Variants in POLD1 observed in about 807,000 individuals in gnomAD.
POLD1 encodes the protein DNA polymerase delta catalytic subunit.
In POLD1, 79 loss-of-function variants were observed where a neutral mutation model predicts 129.7. The ratio of observed to expected loss-of-function variants is 0.61; its 90% CI spans 0.51 to 0.73. The LOEUF (loss-of-function observed/expected upper bound fraction) is 0.73. POLD1 is among the 30% of genes least tolerant of loss of function. POLD1 has a pLI of 0.00. For missense variants in POLD1, 1,338 were observed against 1,595.8 expected (o/e 0.84, Z 2.75); for synonymous variants, 714 against 683.3 (o/e 1.04, Z -0.70).
chr19:50,403,259 C>T (rs564417410), intron 9 of POLD1, 40 bp downstream of exon 9: 4 of 1,507,636 alleles, frequency 2.7e-6, no homozygotes, highest in African/African-American at 2.8e-5. Flanking sequence ...TCCCGGGGTC[C>T]CCGCCAGCCT....
rs947583054 is a variant in POLD1 at position 50,403,173 on chromosome 19, T to G, written c.1091T>G (p.Leu364Arg). The G allele has an allele frequency of 6.4e-7, 1 of 1,562,584 alleles. No homozygotes were observed. The highest frequency in any genetic ancestry group is 8.7e-7 in the Non-Finnish European group (1 of 1,153,100). ...ALTLRPCAPI[L>R]GAKVQSYEKE... ...ACCCTGCGGCCCTGTGCCCCCATCC[T>G]GGGTGCCAAGGTGCAGAGCTACGAG... Residue 364 changes from leucine to arginine, a missense_variant, in exon 9 of 27, where the codon CTG becomes CGG. This residue lies in a region of POLD1 where 720 missense variants were observed against 1,002.6 expected (regional missense o/e 0.72). Transcript: ENST00000440232.
At chr19:50,416,748 C>G (rs1010620898) in intron 24 of POLD1, 25 bp downstream of exon 24, 6 of 1,465,700 alleles carry the variant, frequency 4.1e-6, no homozygotes, top group Admixed American at 2.0e-5. Context: ...CCACTGGGCC[C>G]CCACTGGCCC....
chr19:50,401,392 T>TATATATATATA (rs1491527037), intron 3 of POLD1, among the ~76,000 whole-genome samples: 16 of 47,158 alleles, frequency 3.4e-4, no homozygotes, highest in African/African-American at 5.6e-4. Flanking sequence ...TATATATATA[T>TATATATATATA]TTTTTTTTTT....
chr19:50,415,667 G>GCCCCC, intron 21 of POLD1, 57 bp from the exon 22 acceptor site: 3 of 1,462,196 alleles, frequency 2.1e-6, no homozygotes, highest in East Asian at 2.5e-5. Flanking sequence ...CTACACCCTC[G>GCCCCC]CCCCCACCCC....
intron 20 of POLD1, among the ~76,000 whole-genome samples, chr19:50,415,198 G>A (rs1024465671): frequency 8.5e-5 from 13 of 152,106 alleles, no homozygotes; most frequent in Non-Finnish European, 1.8e-4. Context: ...TCCTCCTCTG[G>A]GAACACAGGT....
rs2122312655 is a variant in POLD1, at chr19:50,406,095, G to A, written c.1243-87G>A. On this transcript the variant is annotated intron_variant, in intron 10 of 26. Transcript: ENST00000440232. This position sits in a 1 kb window ranked among gnomAD's most constrained non-coding sequence, Gnocchi z 5.5. ...CTCGACCCCCTAGGGTTGTTATAAG[G>A]ATGTTGTGGTTGGTCTCAATCTCCG... 6.7e-7 allele frequency: 1 copy of A among 1,502,870 alleles called. No individual in the cohort carries two copies. Among genetic ancestry groups the A allele is most frequent in the Non-Finnish European group, 9.1e-7 (1 of 1,099,818 alleles). The allele number at this position is 1,502,870 out of a possible 1,614,324, so 93.1% of individuals were successfully genotyped here.
chr19:50,405,808 T>C (rs931879716), intron 10 of POLD1, among the ~76,000 whole-genome samples: 2 of 152,094 alleles, frequency 1.3e-5, no homozygotes, highest in Admixed American at 6.5e-5. Context: ...GCCCTCAGCA[T>C]CCATCTCAGC....
chr19:50,392,732 C>T (rs1475370134), intron 1 of POLD1, among the ~76,000 whole-genome samples: 2 of 152,142 alleles, frequency 1.3e-5, no homozygotes, highest in African/African-American at 4.8e-5. Context: ...CCTCCTTGGC[C>T]TCCCAAAATG....
chr19:50,397,808 C>T (rs373626214), intron 1 of POLD1, among the ~76,000 whole-genome samples: 4 of 152,190 alleles, frequency 2.6e-5, no homozygotes, highest in South Asian at 4.2e-4. Context: ...GTCCTGGACT[C>T]GGGGAGAAAG....
rs953314839 is a variant in POLD1, at chr19:50,406,127, A to G, written c.1243-55A>G. ...TGGTTGGTCTCAATCTCCGTTCTTC[A>G]GGCTTATGTGACGGGGACCCGCAGC... On this transcript the variant is annotated intron_variant, in intron 10 of 26. Transcript: ENST00000440232. The surrounding 1 kb of genome is among the most constrained non-coding windows in gnomAD (Gnocchi z 5.5). The G allele has an allele frequency of 6.3e-7, 1 of 1,583,850 alleles. No homozygotes were observed. Among genetic ancestry groups the G allele is most frequent in the Non-Finnish European group, 8.6e-7 (1 of 1,160,402 alleles).
chr19:50,406,306 A>AT lies in POLD1; in HGVS notation c.1367_1368insT (p.Gln456HisfsTer179). On this transcript the variant is annotated frameshift_variant, in exon 11 of 27. Coordinates refer to ENST00000440232, the MANE Select transcript of POLD1 (RefSeq NM_002691.4). LOFTEE classifies it high-confidence loss of function. This position sits in a 1 kb window ranked among gnomAD's most constrained non-coding sequence, Gnocchi z 5.5. Reference sequence around the variant, plus strand: ...GTTGTCAGCATGGTGGGCCGCGTGCAGATGGACATGCTGCAGGTATGGGCG... The same window carrying AT: ...GTTGTCAGCATGGTGGGCCGCGTGCATGATGGACATGCTGCAGGTATGGGCG... 1 of 1,614,012 alleles carries AT rather than the reference A, an allele frequency of 6.2e-7. No individual in the cohort carries two copies. The highest frequency in any genetic ancestry group is 8.5e-7 in the Non-Finnish European group (1 of 1,179,952).
intron 14 of POLD1, among the ~76,000 whole-genome samples, chr19:50,407,901 G>T (rs2038957144): frequency 6.6e-6 from 1 of 151,624 alleles, no homozygotes; most frequent in Admixed American, 6.6e-5. Context: ...AGCCAGGCGT[G>T]GTGGTGCATG....
chr19:50,409,001 T>A lies in POLD1; in HGVS notation c.1892+100T>A. 7.3e-7 allele frequency: 1 copy of A among 1,373,070 alleles called. No homozygotes were observed. The highest frequency in any genetic ancestry group is 1.0e-6 in the Non-Finnish European group (1 of 977,920). The allele number at this position is 1,373,070 out of a possible 1,614,324, so 85.1% of individuals were successfully genotyped here. ...GGCATAGGCACAGGCCCAGAGATAG[T>A]AGGGAGTGGAGGGGTGCTTGAGGGG... On this transcript the variant is annotated intron_variant, in intron 15 of 26. Coordinates refer to ENST00000440232, the MANE Select transcript of POLD1 (RefSeq NM_002691.4). The surrounding 1 kb of genome is among the most constrained non-coding windows in gnomAD (Gnocchi z 5.8).
chr19:50,413,380 C>T, intron 17 of POLD1, 46 bp from the exon 18 acceptor site: 7 of 1,533,512 alleles, frequency 4.6e-6, no homozygotes, highest in Non-Finnish European at 6.3e-6. Flanking sequence ...ACGTTCACTG[C>T]ACATGGCCCC....
rs2122393571 is a variant in POLD1 at position 50,409,755 on chromosome 19, G to A, written c.2154+89G>A. 13 of 1,411,192 alleles carry A rather than the reference G, an allele frequency of 9.2e-6. No homozygotes were observed. Among genetic ancestry groups the A allele is most frequent in the Non-Finnish European group, 1.3e-5 (13 of 1,038,932 alleles). The allele number at this position is 1,411,192 out of a possible 1,614,324, so 87.4% of individuals were successfully genotyped here. ...GCTCCATGTGGGGGACCTGTATCCA[G>A]AGGACTGGGCACCCCAACTCACTGG... On this transcript the variant is annotated intron_variant, in intron 17 of 26. Coordinates refer to ENST00000440232, the MANE Select transcript of POLD1 (RefSeq NM_002691.4). This position sits in a 1 kb window ranked among gnomAD's most constrained non-coding sequence, Gnocchi z 5.8.
intron 1 of POLD1, among the ~76,000 whole-genome samples, chr19:50,386,051 A>G (rs1214744076): frequency 1.3e-5 from 2 of 152,136 alleles, no homozygotes; most frequent in African/African-American, 4.8e-5. Flanking sequence ...GAGCAGTGAT[A>G]GTCTTTGGGA....
rs745639085 is a variant in POLD1 at position 50,404,756 on chromosome 19, TTTG to T, written c.1242+1162_1242+1164del. On this transcript the variant is annotated intron_variant, in intron 10 of 26. Transcript: ENST00000440232. The stretch of plus-strand genomic sequence containing the variant: ...ACCACGCCCCGCAAATTTTTGCTTT[TTTG>T]TTATTGTTTCTTGAGATGGAATTTC... 2.6e-5 allele frequency among the ~76,000 whole-genome samples: 4 copies of T among 151,340 alleles called. No homozygotes were observed. The East Asian group carries it at 7.8e-4, about 30-fold the overall frequency.
intron 10 of POLD1, among the ~76,000 whole-genome samples, chr19:50,403,950 G>A (rs546777423): frequency 3.3e-5 from 5 of 152,116 alleles, no homozygotes; most frequent in Admixed American, 6.5e-5. Flanking sequence ...GAGGAGGAGG[G>A]GGGAGTGTGT....
At chr19:50,412,737 G>GTGC (rs1203950656) in intron 17 of POLD1, among the ~76,000 whole-genome samples, 2 of 145,628 alleles carry the variant, frequency 1.4e-5, no homozygotes, top group African/African-American at 5.6e-5. Flanking sequence ...GGTGGTGGTG[G>GTGC]TGTTGTTGTT....
Sources: gnomAD v4.1 joint callset for allele counts (sites outside exome capture counted in the v4.1 genomes callset) on GRCh38, gnomAD v4.1.1 for gene constraint, gnomAD v4.1.1 regional missense constraint, Gnocchi (gnomAD v3.1) non-coding constraint, MANE v1.5 for transcripts, NCBI Gene and HGNC (gene_info 2026-07-23, HGNC 2026-07-21) for gene names.